GLIPR1L1: variants seen among roughly 807,000 people sequenced by gnomAD.
GLIPR1L1 encodes GLIPR1 like 1, also known as GLIPR1-like protein 1.
A neutral mutation model predicts 29.9 loss-of-function variants in GLIPR1L1; 26 were observed. That is an observed-to-expected ratio of 0.87 (90% confidence interval 0.64 to 1.21). The LOEUF is 1.21. Ranked by LOEUF, GLIPR1L1 falls within the 50% of genes most tolerant of loss-of-function variation. The probability of loss-of-function intolerance (pLI) is 0.00; values close to 1 mark genes in which losing one functional copy is unlikely to be tolerated. For synonymous variants in GLIPR1L1, 77 were observed against 97.5 expected (o/e 0.79, Z 1.24); for missense variants, 305 against 290.3 (o/e 1.05, Z -0.37).
At chr12:75,342,660 G>A (rs968535595) in intron 1 of GLIPR1L1, among the ~76,000 whole-genome samples, 5 of 152,192 alleles carry the variant, frequency 3.3e-5, no homozygotes, top group African/African-American at 9.6e-5. Flanking sequence ...AAGATTGTCT[G>A]AGCTTTACTT....
rs376918511 is a variant in GLIPR1L1 at position 75,347,722 on chromosome 12, C to T, written c.521C>T (p.Ala174Val). 25 of 1,569,270 alleles carry T rather than the reference C, an allele frequency of 1.6e-5. No individual in the cohort carries two copies. Among genetic ancestry groups the T allele is most frequent in the East Asian group, 4.5e-5 (2 of 44,078 alleles). ...ATATTTGTATGCAACTACGGACCTGCGTGAGTTATTTTCTCTTAAAAATAT... is the reference window on the plus strand; with the variant it reads ...ATATTTGTATGCAACTACGGACCTGTGTGAGTTATTTTCTCTTAAAAATAT... ...TAIFVCNYGP[A>V]GNFANMPPYV... is the part of the protein sequence containing the mutation. The change falls in exon 3 of 6, where the codon GCA becomes GTA. Residue 174 changes from alanine to valine, a missense_variant and splice_region_variant. Transcript: ENST00000378695.
chr12:75,367,081 C>T, intron 4 of GLIPR1L1: 1 of 696,764 alleles, frequency 1.4e-6, no homozygotes. Flanking sequence ...GACAAGCCAA[C>T]TGAGATTAAT....
At position 75,334,702 on chromosome 12, in the gene GLIPR1L1, C is replaced by A. The variant is rs1426953182; in HGVS notation, c.-27C>A. On this transcript the variant is annotated 5_prime_UTR_variant, in exon 1 of 6. Transcript: ENST00000378695. ...CCGTTACTGGTCCGCGCAGTCAGGG[C>A]ATCCTCCGCATCCTCCACATCCTTC... The A allele has an allele frequency of 6.2e-7, 1 of 1,600,804 alleles. No individual in the cohort carries two copies. Among genetic ancestry groups the A allele is most frequent in the Non-Finnish European group, 8.5e-7 (1 of 1,173,224 alleles).
chr12:75,348,437 G>A (rs938953952), intron 3 of GLIPR1L1, among the ~76,000 whole-genome samples: 6 of 152,150 alleles, frequency 3.9e-5, no homozygotes, highest in African/African-American at 1.4e-4. Flanking sequence ...CTTTCACTTG[G>A]AAGCAAAAAC....
intron 3 of GLIPR1L1, chr12:75,361,066 C>G (rs1021494122): frequency 3.3e-5 from 5 of 152,088 alleles, no homozygotes; most frequent in Admixed American, 6.6e-5. Flanking sequence ...GAGAAACTCT[C>G]AACAAAGAGA....
At chr12:75,350,931 G>A (rs10879902) in intron 3 of GLIPR1L1, among the ~76,000 whole-genome samples, 69,723 of 151,894 alleles carry the variant, frequency 0.46, 16,059 homozygotes, top group East Asian at 0.5. Context: ...AACACATTGC[G>A]AAGAAGCTAA....
At chr12:75,357,279 T>C (rs1452813095) in intron 3 of GLIPR1L1, among the ~76,000 whole-genome samples, 1 of 152,204 alleles carries the variant, frequency 6.6e-6, no homozygotes, top group Non-Finnish European at 1.5e-5. Context: ...TAAATTTCAC[T>C]TCACAATGAT....
intron 1 of GLIPR1L1, among the ~76,000 whole-genome samples, chr12:75,341,032 A>G (rs2042068139): frequency 2.0e-5 from 3 of 148,100 alleles, no homozygotes; most frequent in Admixed American, 2.0e-4. Context: ...ATTTCTTACA[A>G]AAAAAAAAAG....
At chr12:75,355,472 C>A (rs551502744) in intron 3 of GLIPR1L1, among the ~76,000 whole-genome samples, 33 of 152,248 alleles carry the variant, frequency 2.2e-4, no homozygotes, top group African/African-American at 7.9e-4. Context: ...CCAGAAACAA[C>A]AGATGCTGGT....
chr12:75,341,819 G>A (rs1309274708), intron 1 of GLIPR1L1, among the ~76,000 whole-genome samples: 1 of 137,214 alleles, frequency 7.3e-6, no homozygotes, highest in Non-Finnish European at 1.5e-5. Flanking sequence ...GCACGGTCTT[G>A]GCTCACTGCA....
Position 75,347,597 on chromosome 12 carries a change from A to T in GLIPR1L1, c.421-25A>T, listed in dbSNP as rs1424161927. 6.8e-6 allele frequency: 10 copies of T among 1,471,276 alleles called. No individual in the cohort carries two copies. In the East Asian group the frequency reaches 2.1e-4, roughly 30 times the overall value. 91.1% of individuals were successfully genotyped at this position (1,471,276 alleles called of 1,614,324 possible). ...TGCATAGAATTGTTTTCCATATTTT[A>T]TCTTGACATTCCTTTTCTTTATAGT... On this transcript the variant is annotated intron_variant, in intron 2 of 5. Transcript: ENST00000378695.
intron 3 of GLIPR1L1, among the ~76,000 whole-genome samples, chr12:75,354,243 T>C (rs1242626294): frequency 6.6e-6 from 1 of 151,960 alleles, no homozygotes. Context: ...TGATCCTATA[T>C]CTAGAAAACC....
chr12:75,365,448 C>A (rs1469135580), intron 4 of GLIPR1L1, among the ~76,000 whole-genome samples: 2 of 152,018 alleles, frequency 1.3e-5, no homozygotes, highest in Non-Finnish European at 2.9e-5. Context: ...TTACTGTAGC[C>A]AAGAGATAAT....
chr12:75,355,843 T>C (rs1490183239), intron 3 of GLIPR1L1, among the ~76,000 whole-genome samples: 1 of 152,146 alleles, frequency 6.6e-6, no homozygotes, highest in Non-Finnish European at 1.5e-5. Flanking sequence ...TGGATGGAGC[T>C]AGAAGCTATT....
intron 4 of GLIPR1L1, 91 bp from the exon 5 acceptor site, chr12:75,369,869 T>C: frequency 7.5e-7 from 1 of 1,336,050 alleles, no homozygotes; most frequent in Non-Finnish European, 9.6e-7. Flanking sequence ...TTTTGTTAGT[T>C]GATTGTCTTA....
intron 4 of GLIPR1L1, among the ~76,000 whole-genome samples, chr12:75,366,274 A>G (rs1020589479): frequency 6.6e-6 from 1 of 152,178 alleles, no homozygotes; most frequent in Non-Finnish European, 1.5e-5. Context: ...AAGCCATAAG[A>G]TATTAATACA....
chr12:75,343,383 G>A (rs1317190909), intron 1 of GLIPR1L1, among the ~76,000 whole-genome samples: 1 of 151,806 alleles, frequency 6.6e-6, no homozygotes, highest in Non-Finnish European at 1.5e-5. Context: ...ATGACCTTCT[G>A]AATTACTAGA....
chr12:75,343,391 A>G (rs1008783973), intron 1 of GLIPR1L1, among the ~76,000 whole-genome samples: 1 of 152,044 alleles, frequency 6.6e-6, no homozygotes, highest in African/African-American at 2.4e-5. Flanking sequence ...CTGAATTACT[A>G]GACTTTGAAT....
intron 3 of GLIPR1L1, chr12:75,360,904 A>G (rs1469357462): frequency 6.6e-6 from 1 of 152,162 alleles, no homozygotes; most frequent in Non-Finnish European, 1.5e-5. Flanking sequence ...TCCAATCTTC[A>G]ATTCTTGACT....
Sources: gnomAD v4.1 joint callset for allele counts (sites outside exome capture counted in the v4.1 genomes callset) on GRCh38, gnomAD v4.1.1 for gene constraint, MANE v1.5 for transcripts, NCBI Gene and HGNC (gene_info 2026-07-23, HGNC 2026-07-21) for gene names.